The following GLIS1 variants were observed in gnomAD, a reference collection of about 807,000 sequenced individuals.
GLIS1 encodes the protein zinc finger protein GLIS1.
Under a neutral mutation model 63.8 loss-of-function variants are expected in GLIS1, and 24 were observed. That is an observed-to-expected ratio of 0.38 (90% CI 0.27 to 0.53). The LOEUF (loss-of-function observed/expected upper bound fraction) is 0.53, where lower values mean the gene tolerates loss of function less well. Ranked by LOEUF, GLIS1 falls within the 20% of genes least tolerant of loss-of-function variation. The pLI is 0.85. For synonymous variants in GLIS1, 450 were observed against 482.5 expected, an observed-to-expected ratio of 0.93 and a Z score of 0.88; for missense variants, 1,036 against 1,074.1, an observed-to-expected ratio of 0.96 and a Z score of 0.50.
At chr1:53,559,632 G>A (rs186785287) in intron 4 of GLIS1, among the ~76,000 whole-genome samples, 3 of 152,242 alleles carry the variant, frequency 2.0e-5, no homozygotes, top group African/African-American at 2.4e-5. Flanking sequence ...GCTGCAATGC[G>A]GGACAGAGCC....
At chr1:53,719,312 CTT>C (rs1463685472) in intron 2 of GLIS1, among the ~76,000 whole-genome samples, 2 of 152,218 alleles carry the variant, frequency 1.3e-5, no homozygotes, top group Non-Finnish European at 2.9e-5. Context: ...GCCCTTCTCT[CTT>C]GAGTTGAGGT....
intron 4 of GLIS1, among the ~76,000 whole-genome samples, chr1:53,530,898 T>C (rs1196745560): frequency 1.3e-5 from 2 of 152,286 alleles, no homozygotes; most frequent in Non-Finnish European, 2.9e-5. Flanking sequence ...GTTCTGGCCA[T>C]GTGCTTGCAA....
intron 4 of GLIS1, among the ~76,000 whole-genome samples, chr1:53,531,052 C>T (rs746313447): frequency 6.6e-6 from 1 of 152,210 alleles, no homozygotes; most frequent in Middle Eastern, 3.2e-3. Flanking sequence ...AGTGACCTGC[C>T]CAAGGTCACA....
chr1:53,580,238 T>C (rs185769464), intron 4 of GLIS1, among the ~76,000 whole-genome samples: 3 of 152,278 alleles, frequency 2.0e-5, no homozygotes, highest in Admixed American at 6.5e-5. Context: ...CATCCTGACC[T>C]GGTTCCTGCA....
At chr1:53,510,805 TC>T (rs1282952026) in intron 8 of GLIS1, among the ~76,000 whole-genome samples, 1 of 152,184 alleles carries the variant, frequency 6.6e-6, no homozygotes, top group Non-Finnish European at 1.5e-5. Flanking sequence ...TGAGGAACCT[TC>T]CGTTTCCAGC....
intron 1 of GLIS1, 58 bp from the exon 2 acceptor site, chr1:53,738,164 C>T: frequency 9.3e-7 from 1 of 1,080,368 alleles, no homozygotes; most frequent in East Asian, 3.3e-5. Flanking sequence ...CCGTATTGTC[C>T]CGGGGCCGAG....
intron 2 of GLIS1, among the ~76,000 whole-genome samples, chr1:53,684,007 A>G (rs1305343724): frequency 6.6e-6 from 1 of 152,138 alleles, no homozygotes; most frequent in Non-Finnish European, 1.5e-5. Context: ...TCTTTTCCCC[A>G]AATTGGACAT....
intron 6 of GLIS1, among the ~76,000 whole-genome samples, chr1:53,521,269 G>A (rs923858648): frequency 5.2e-5 from 3 of 57,470 alleles, no homozygotes; most frequent in African/African-American, 6.2e-5. Flanking sequence ...CTGCAGGTGC[G>A]TTCTGTGCAG....
At chr1:53,688,745 G>C (rs1048915839) in intron 2 of GLIS1, 4 of 151,788 alleles carry the variant, frequency 2.6e-5, no homozygotes, top group African/African-American at 4.8e-5. Flanking sequence ...GTTTTTGTGT[G>C]GGGGGGGATG....
At chr1:53,527,589 C>T (rs1644484137) in intron 5 of GLIS1, among the ~76,000 whole-genome samples, 1 of 152,250 alleles carries the variant, frequency 6.6e-6, no homozygotes, top group Non-Finnish European at 1.5e-5. Flanking sequence ...TTCTGAGAAA[C>T]TTTCCCGCCC....
At chr1:53,608,527 T>TA (rs1382152881) in intron 2 of GLIS1, among the ~76,000 whole-genome samples, 2 of 152,202 alleles carry the variant, frequency 1.3e-5, no homozygotes, top group African/African-American at 4.8e-5. Context: ...GCATCACAGA[T>TA]AAGAGTATAG....
intron 4 of GLIS1, among the ~76,000 whole-genome samples, chr1:53,565,529 T>C (rs1240417478): frequency 6.6e-6 from 1 of 151,930 alleles, no homozygotes; most frequent in Non-Finnish European, 1.5e-5. Context: ...ATATTAGGAA[T>C]AAAACGAGAA....
intron 2 of GLIS1, among the ~76,000 whole-genome samples, chr1:53,727,707 A>G (rs144541152): frequency 1.7e-3 from 264 of 152,200 alleles, no homozygotes; most frequent in South Asian, 7.0e-3. Context: ...CCTGAAGCCA[A>G]TCCTTCCCAG....
Position 53,678,222 on chromosome 1 carries a change from C to T in GLIS1, c.259+59584G>A, listed in dbSNP as rs539997580. Among the ~76,000 whole-genome samples the T allele has an allele frequency of 1.6e-4, 24 of 152,060 alleles. No individual in the cohort carries two copies. The South Asian group carries it at 1.9e-3, about 12-fold the overall frequency. On this transcript the variant is annotated intron_variant, in intron 2 of 10. Coordinates refer to ENST00000628545, the MANE Select transcript of GLIS1 (RefSeq NM_001367484.1). The stretch of plus-strand genomic sequence containing the variant: ...CTGCCACCCTTGCTGTAGAGCCACG[C>T]TGAGCTGCAGCTCGCCGCAGATGCC...
intron 4 of GLIS1, among the ~76,000 whole-genome samples, chr1:53,553,878 G>A (rs947513091): frequency 2.6e-5 from 4 of 152,298 alleles, no homozygotes; most frequent in Middle Eastern, 3.4e-3. Context: ...GGATGGCCAG[G>A]GGCTCTGGAG....
At chr1:53,508,459 C>T (rs1329869217) in intron 10 of GLIS1, among the ~76,000 whole-genome samples, 2 of 152,210 alleles carry the variant, frequency 1.3e-5, no homozygotes, top group African/African-American at 2.4e-5. Flanking sequence ...TAGACCTGGG[C>T]CCCGAGGCTG....
intron 1 of GLIS1, 114 bp from the exon 2 acceptor site, chr1:53,738,220 T>C: frequency 1.8e-6 from 1 of 553,398 alleles, no homozygotes; most frequent in Non-Finnish European, 2.7e-6. Flanking sequence ...GTCTTTAACA[T>C]AGGTTAGCAC....
chr1:53,732,266 T>C (rs1320000114), intron 2 of GLIS1, among the ~76,000 whole-genome samples: 3 of 152,230 alleles, frequency 2.0e-5, no homozygotes, highest in African/African-American at 7.2e-5. Flanking sequence ...ATGCTTTAAG[T>C]GACTTTCAAC....
intron 4 of GLIS1, among the ~76,000 whole-genome samples, chr1:53,556,439 T>G (rs1644828426): frequency 7.4e-6 from 1 of 134,846 alleles, no homozygotes; most frequent in Non-Finnish European, 1.6e-5. Flanking sequence ...GCAGGTGTAC[T>G]GCAGGTGTGT....
Sources: allele counts gnomAD v4.1 joint callset (sites outside exome capture counted in the v4.1 genomes callset), GRCh38; gene constraint gnomAD v4.1.1; transcripts MANE v1.5; gene names NCBI Gene and HGNC (gene_info 2026-07-23, HGNC 2026-07-21).